Variants in PUM1 observed in about 807,000 individuals in gnomAD.
PUM1 encodes the protein pumilio RNA binding family member 1.
PUM1 carries 13 observed loss-of-function variants against 131.8 expected under a neutral mutation model. That is an observed-to-expected ratio of 0.10 (90% confidence interval 0.06 to 0.16). PUM1 has a LOEUF of 0.16. Among genes scored for constraint, PUM1 ranks in the 10% least tolerant of loss-of-function variants. The pLI is 1.00. For synonymous variants in PUM1, 509 were observed against 556.5 expected (o/e 0.91, Z 1.20); for missense variants, 961 against 1,512.4 (o/e 0.64, Z 6.05).
At chr1:31,015,676 C>CT (rs568144593) in intron 3 of PUM1, among the ~76,000 whole-genome samples, 246 of 119,248 alleles carry the variant, frequency 2.1e-3, no homozygotes, top group East Asian at 6.2e-3. Flanking sequence ...CTTTTTTTTT[C>CT]TTTTTTTTTT....
chr1:31,055,849 A>G (rs993886637), intron 2 of PUM1, among the ~76,000 whole-genome samples: 7 of 152,188 alleles, frequency 4.6e-5, no homozygotes, highest in Non-Finnish European at 7.3e-5. Flanking sequence ...CTCACCTAGC[A>G]AAGAACCTGC....
intron 3 of PUM1, among the ~76,000 whole-genome samples, chr1:31,012,213 T>TAAA (rs11372153): frequency 2.0e-5 from 3 of 147,452 alleles, no homozygotes; most frequent in African/African-American, 7.5e-5. Flanking sequence ...TTTTTTTCCT[T>TAAA]AAAAAAAAAA....
At chr1:30,962,382 C>A (rs1041783678) in intron 14 of PUM1, among the ~76,000 whole-genome samples, 3 of 152,108 alleles carry the variant, frequency 2.0e-5, no homozygotes, top group Non-Finnish European at 4.4e-5. Context: ...TCCATTTCCA[C>A]GCACCAAGGA....
intron 3 of PUM1, among the ~76,000 whole-genome samples, chr1:31,022,236 A>G (rs1643054515): frequency 6.6e-6 from 1 of 152,228 alleles, no homozygotes; most frequent in Non-Finnish European, 1.5e-5. Flanking sequence ...TAATGATATC[A>G]TATAGATCAT....
intron 21 of PUM1, among the ~76,000 whole-genome samples, chr1:30,935,368 C>CT (rs1455964829): frequency 5.3e-5 from 8 of 152,190 alleles, no homozygotes; most frequent in African/African-American, 1.7e-4. Flanking sequence ...AGAAGACACC[C>CT]TGCCCATTCC....
chr1:31,030,447 G>T (rs529796642), intron 2 of PUM1, among the ~76,000 whole-genome samples: 1 of 152,192 alleles, frequency 6.6e-6, no homozygotes, highest in South Asian at 2.1e-4. Flanking sequence ...ATCAGTTTAA[G>T]AATTTTATTT....
intron 6 of PUM1, among the ~76,000 whole-genome samples, chr1:30,993,589 G>T (rs1641877967): frequency 6.6e-5 from 10 of 151,936 alleles, no homozygotes; most frequent in Admixed American, 6.6e-4. Flanking sequence ...CATATTAAAG[G>T]TATTATTCTG....
chr1:30,989,744 T>A (rs569829318), intron 7 of PUM1, among the ~76,000 whole-genome samples: 1 of 152,210 alleles, frequency 6.6e-6, no homozygotes, highest in East Asian at 1.9e-4. Context: ...ATAAAGTGAG[T>A]TACAATGACT....
At chr1:30,945,077 T>A (rs904383199) in intron 18 of PUM1, among the ~76,000 whole-genome samples, 2 of 151,788 alleles carry the variant, frequency 1.3e-5, no homozygotes, top group African/African-American at 4.8e-5. Context: ...CTACAAAAAA[T>A]TTAAAAATGA....
At chr1:31,037,629 A>G (rs544344991) in intron 2 of PUM1, among the ~76,000 whole-genome samples, 38 of 152,026 alleles carry the variant, frequency 2.5e-4, no homozygotes, top group African/African-American at 8.9e-4. Context: ...CTGAGGCAGG[A>G]TAACTGCTTG....
At chr1:31,013,685 C>G (rs1642704766) in intron 3 of PUM1, among the ~76,000 whole-genome samples, 1 of 152,164 alleles carries the variant, frequency 6.6e-6, no homozygotes. Flanking sequence ...GACATCAACT[C>G]AGAGAAAGGA....
intron 15 of PUM1, 69 bp downstream of exon 15, chr1:30,953,645 C>T (rs1422535364): frequency 1.6e-5 from 24 of 1,530,028 alleles, no homozygotes; most frequent in Non-Finnish European, 2.2e-5. Flanking sequence ...AAGTAGATAC[C>T]CATCTGAGCC....
intron 2 of PUM1, among the ~76,000 whole-genome samples, chr1:31,056,714 C>A (rs1644250230): frequency 1.4e-5 from 2 of 146,570 alleles, no homozygotes; most frequent in Non-Finnish European, 3.0e-5. Context: ...GCAACTTCTG[C>A]CACCCACGCT....
chr1:30,974,454 A>G (rs1641056442), intron 10 of PUM1, among the ~76,000 whole-genome samples, 197 bp downstream of exon 10: 1 of 152,210 alleles, frequency 6.6e-6, no homozygotes, highest in South Asian at 2.1e-4. Context: ...TACCCCACCT[A>G]GGTACAATAG....
intron 21 of PUM1, among the ~76,000 whole-genome samples, chr1:30,933,749 C>T (rs1387506370): frequency 6.6e-6 from 1 of 152,258 alleles, no homozygotes; most frequent in Non-Finnish European, 1.5e-5. Flanking sequence ...CCATGCACGG[C>T]ATCCAGGCTC....
intron 2 of PUM1, among the ~76,000 whole-genome samples, chr1:31,048,461 C>A (rs200690700): frequency 1.1e-4 from 17 of 150,350 alleles, no homozygotes; most frequent in East Asian, 7.8e-4. Flanking sequence ...TTTCTTTTTT[C>A]TTTTTATTTT....
chr1:30,936,482 G>A (rs1228708259), intron 21 of PUM1, among the ~76,000 whole-genome samples, 161 bp downstream of exon 21: 1 of 152,148 alleles, frequency 6.6e-6, no homozygotes, highest in Admixed American at 6.6e-5. Context: ...AATGTGTAAG[G>A]ACAATGGTGA....
chr1:31,042,334 AT>A (rs1643846826), intron 2 of PUM1, among the ~76,000 whole-genome samples: 1 of 151,508 alleles, frequency 6.6e-6, no homozygotes, highest in Non-Finnish European at 1.5e-5. Context: ...AAATAAATAA[AT>A]AAAATAAAAT....
chr1:30,975,078 T>C (rs962755353), intron 9 of PUM1, among the ~76,000 whole-genome samples: 1 of 151,812 alleles, frequency 6.6e-6, no homozygotes, highest in Non-Finnish European at 1.5e-5. Context: ...ATAGAAGGGG[T>C]TCAATTTAAT....
Sources: gnomAD v4.1 joint callset for allele counts (sites outside exome capture counted in the v4.1 genomes callset) on GRCh38, gnomAD v4.1.1 for gene constraint, MANE v1.5 for transcripts, NCBI Gene and HGNC (gene_info 2026-07-23, HGNC 2026-07-21) for gene names.